Variants in UNC13C observed in about 807,000 individuals in gnomAD.
The protein encoded by UNC13C is unc-13 homolog C.
A neutral mutation model predicts 245.4 loss-of-function variants in UNC13C; 174 were observed. The observed-to-expected ratio is 0.71, with a 90% CI of 0.63 to 0.80. The LOEUF (loss-of-function observed/expected upper bound fraction) is 0.80, where lower values mean the gene tolerates loss of function less well. UNC13C is among the 30% of genes least tolerant of loss of function. UNC13C has a pLI of 0.00. For synonymous variants in UNC13C, 992 were observed against 895.1 expected, an observed-to-expected ratio of 1.11 and a Z score of -1.93; for missense variants, 2,829 against 2,602.9, an observed-to-expected ratio of 1.09 and a Z score of -1.89.
intron 2 of UNC13C, among the ~76,000 whole-genome samples, chr15:54,132,038 A>G (rs976750258): frequency 9.8e-5 from 13 of 132,780 alleles, no homozygotes; most frequent in Non-Finnish European, 2.1e-4. Context: ...TCCTTATGAT[A>G]CTGAACTGTC....
At chr15:54,287,422 GT>G (rs886831260) in intron 10 of UNC13C, among the ~76,000 whole-genome samples, 1 of 152,102 alleles carries the variant, frequency 6.6e-6, no homozygotes, top group Non-Finnish European at 1.5e-5. Flanking sequence ...AACTTACTAT[GT>G]TTTTTATTCT....
chr15:54,217,276 G>A (rs2035070482), intron 4 of UNC13C, among the ~76,000 whole-genome samples: 1 of 151,916 alleles, frequency 6.6e-6, no homozygotes, highest in Admixed American at 6.6e-5. Flanking sequence ...CTAGGATTGT[G>A]GATAAGGGCA....
chr15:53,918,596 G>A, the UNC13C span, among the ~76,000 whole-genome samples: 1 of 152,214 alleles, frequency 6.6e-6, no homozygotes, highest in African/African-American at 2.4e-5. Flanking sequence ...GCTGAGCACA[G>A]GGACTGTCCC....
chr15:54,580,325 A>C (rs1898144128), intron 30 of UNC13C, among the ~76,000 whole-genome samples: 1 of 152,238 alleles, frequency 6.6e-6, no homozygotes, highest in African/African-American at 2.4e-5. Context: ...TGTTTAATCT[A>C]TCTTAGAATA....
At position 54,028,299 on chromosome 15, in the gene UNC13C, C is replaced by T. The variant is rs75716113; in HGVS notation, c.2983+12413C>T. Among the ~76,000 whole-genome samples the T allele has an allele frequency of 4.1e-3, 626 of 152,190 alleles. 5 individuals carry two copies. The highest frequency in any genetic ancestry group is 0.015 in the African/African-American group (611 of 41,506). On this transcript the variant is annotated intron_variant, in intron 2 of 32. Coordinates refer to ENST00000260323, the MANE Select transcript of UNC13C (RefSeq NM_001080534.3). The stretch of plus-strand genomic sequence containing the variant: ...CTCAAACTCAGTTATTGAATAAGGC[C>T]GGGCAACTTTGCCTTCTAATTGTCT...
rs751918318 is a variant in UNC13C, at chr15:54,546,758, C to A, written c.5733C>A (p.Val1911=). The A allele has an allele frequency of 6.5e-7, 1 of 1,543,916 alleles. No homozygotes were observed. The highest frequency in any genetic ancestry group is 1.2e-5 in the South Asian group (1 of 82,460). ...SLSAKICEKT[V]LKRVLKELWK... is the part of the protein sequence containing the mutation. The stretch of plus-strand genomic sequence containing the variant: ...CAGCAAAAATCTGTGAGAAAACAGT[C>A]CTAAAGCGAGTTTTAAAAGAGTTAT... The change falls in exon 27 of 33, where the codon GTC becomes GTA. Residue 1911 remains valine (V), a synonymous_variant. Transcript: ENST00000260323.
At chr15:53,854,348 T>A in the UNC13C span, among the ~76,000 whole-genome samples, 2 of 151,848 alleles carry the variant, frequency 1.3e-5, no homozygotes, top group Non-Finnish European at 2.9e-5. Flanking sequence ...CTCGAGCTCT[T>A]AACCTCGTGA....
At chr15:54,583,759 G>T (rs1042480746) in intron 30 of UNC13C, among the ~76,000 whole-genome samples, 2 of 152,166 alleles carry the variant, frequency 1.3e-5, no homozygotes, top group Non-Finnish European at 2.9e-5. Flanking sequence ...TCCCCTCCCT[G>T]AGTGGTTGTT....
intron 4 of UNC13C, among the ~76,000 whole-genome samples, chr15:54,212,243 G>A (rs143056844): frequency 2.0e-5 from 3 of 152,236 alleles, no homozygotes; most frequent in African/African-American, 7.2e-5. Context: ...CTGCTGAGGA[G>A]AGATCCATGG....
At chr15:54,141,623 G>A (rs1463757073) in intron 2 of UNC13C, among the ~76,000 whole-genome samples, 1 of 151,920 alleles carries the variant, frequency 6.6e-6, no homozygotes, top group East Asian at 1.9e-4. Flanking sequence ...CAATTGATAT[G>A]TCATATTAGA....
At chr15:54,041,749 ATTAC>A (rs530301805) in intron 2 of UNC13C, among the ~76,000 whole-genome samples, 31 of 152,348 alleles carry the variant, frequency 2.0e-4, no homozygotes, top group African/African-American at 7.5e-4. Context: ...TGAAGATTAA[ATTAC>A]TTAGTATAGA....
intron 2 of UNC13C, among the ~76,000 whole-genome samples, chr15:54,132,646 G>A (rs1415319234): frequency 1.3e-5 from 2 of 152,202 alleles, no homozygotes; most frequent in East Asian, 1.9e-4. Context: ...GCTAATGACA[G>A]CTCAGCAACC....
At chr15:54,453,930 TC>T (rs929363153) in intron 19 of UNC13C, among the ~76,000 whole-genome samples, 5 of 152,110 alleles carry the variant, frequency 3.3e-5, no homozygotes, top group Admixed American at 3.3e-4. Context: ...ATTGTCAGTT[TC>T]CCCCTCCCTC....
intron 2 of UNC13C, among the ~76,000 whole-genome samples, chr15:54,024,152 A>G (rs1339258155): frequency 6.6e-6 from 1 of 152,148 alleles, no homozygotes; most frequent in East Asian, 1.9e-4. Context: ...AAGAGAGGAG[A>G]CCGACTCCAG....
intron 22 of UNC13C, among the ~76,000 whole-genome samples, chr15:54,501,701 A>G (rs1894223819): frequency 6.6e-6 from 1 of 152,196 alleles, no homozygotes; most frequent in South Asian, 2.1e-4. Context: ...AGTGAGATCA[A>G]CCGTAAATTG....
intron 17 of UNC13C, among the ~76,000 whole-genome samples, chr15:54,366,881 G>T (rs2039377591): frequency 6.6e-6 from 1 of 152,030 alleles, no homozygotes; most frequent in African/African-American, 2.4e-5. Context: ...GTGGCTACAA[G>T]GCCCTAACAT....
chr15:54,063,873 T>C (rs537463370), intron 2 of UNC13C, among the ~76,000 whole-genome samples: 2 of 152,240 alleles, frequency 1.3e-5, no homozygotes, highest in South Asian at 4.1e-4. Context: ...AAAGGGCCAT[T>C]AGACAAATCT....
At chr15:54,091,893 T>C (rs1899594617) in intron 2 of UNC13C, among the ~76,000 whole-genome samples, 1 of 152,238 alleles carries the variant, frequency 6.6e-6, no homozygotes, top group Non-Finnish European at 1.5e-5. Context: ...GTTCTCATTG[T>C]TGGCAAACTT....
At chr15:53,926,164 C>A in the UNC13C span, among the ~76,000 whole-genome samples, 1 of 151,362 alleles carries the variant, frequency 6.6e-6, no homozygotes, top group Non-Finnish European at 1.5e-5. Flanking sequence ...GACATTAAAG[C>A]AGAGGTGCTT....
Sources: allele counts gnomAD v4.1 joint callset (sites outside exome capture counted in the v4.1 genomes callset), GRCh38; gene constraint gnomAD v4.1.1; transcripts MANE v1.5; gene names NCBI Gene and HGNC (gene_info 2026-07-23, HGNC 2026-07-21).